HNRNPF: variants seen among roughly 807,000 people sequenced by gnomAD.
HNRNPF encodes the protein HnRNP F protein.
Under a neutral mutation model 26.0 loss-of-function variants are expected in HNRNPF, and 2 were observed. That is an observed-to-expected ratio of 0.08 (90% CI 0.03 to 0.24). The LOEUF (loss-of-function observed/expected upper bound fraction) is 0.24, where lower values mean the gene tolerates loss of function less well. Ranked by LOEUF, HNRNPF falls within the 10% of genes least tolerant of loss-of-function variation. HNRNPF has a pLI of 1.00. For synonymous variants in HNRNPF, 234 were observed against 211.5 expected, an observed-to-expected ratio of 1.11 and a Z score of -0.92; for missense variants, 299 against 539.2, an observed-to-expected ratio of 0.55 and a Z score of 4.41.
chr10:43,387,030 G>A lies in HNRNPF; in HGVS notation c.855C>T (p.Ser285=), dbSNP rs1291824410. The A allele has an allele frequency of 6.2e-7, 1 of 1,613,528 alleles. No homozygotes were observed. The highest frequency in any genetic ancestry group is 1.1e-5 in the South Asian group (1 of 91,076). The change falls in exon 4 of 4, where the codon AGC becomes AGT. Residue 285 remains serine, a synonymous_variant. Transcript: ENST00000682386. The surrounding 1 kb of genome is among the most constrained non-coding windows in gnomAD (Gnocchi z 6.0). ...TCATGTGGACACAGTGGCCTGTGGT[G>A]CTCTGCACTGTGAACTCACTGTCGC... ...RYGDSEFTVQ[S]TTGHCVHMRG...
At chr10:43,409,044 C>G (rs1839021623) in intron 1 of HNRNPF, 87 bp downstream of exon 1, 1 of 152,230 alleles carries the variant, frequency 6.6e-6, no homozygotes, top group African/African-American at 2.4e-5. Flanking sequence ...GCCCTGGACA[C>G]CAGGAAACAG....
chr10:43,406,944 A>G (rs537774708), intron 1 of HNRNPF, among the ~76,000 whole-genome samples: 1 of 152,318 alleles, frequency 6.6e-6, no homozygotes, highest in South Asian at 2.1e-4. Flanking sequence ...TAGTTTATAA[A>G]TTCTGTGAGA....
intron 1 of HNRNPF, among the ~76,000 whole-genome samples, chr10:43,401,771 T>C (rs1282060912): frequency 1.3e-5 from 2 of 152,150 alleles, no homozygotes; most frequent in Non-Finnish European, 2.9e-5. Context: ...AGGAGGCCTG[T>C]GGGGTATCCT....
At chr10:43,391,520 G>C (rs900921689) in intron 3 of HNRNPF, among the ~76,000 whole-genome samples, 1 of 151,880 alleles carries the variant, frequency 6.6e-6, no homozygotes, top group Non-Finnish European at 1.5e-5. Flanking sequence ...TAGAGTAAGC[G>C]GGCCCTCAAT....
chr10:43,402,022 T>C (rs7894374), intron 1 of HNRNPF, among the ~76,000 whole-genome samples: 52,430 of 149,786 alleles, frequency 0.35, 10,769 homozygotes, highest in African/African-American at 0.6. Context: ...AGAAATAACA[T>C]ACCACACCTC....
At chr10:43,405,505 A>G (rs765225347) in intron 1 of HNRNPF, among the ~76,000 whole-genome samples, 1 of 151,882 alleles carries the variant, frequency 6.6e-6, no homozygotes, top group African/African-American at 2.4e-5. Flanking sequence ...AAATACAAAA[A>G]ATTAGCCGGG....
chr10:43,395,118 G>A (rs2131974455), intron 2 of HNRNPF, among the ~76,000 whole-genome samples: 1 of 143,694 alleles, frequency 7.0e-6, no homozygotes, highest in Non-Finnish European at 1.5e-5. Flanking sequence ...GTGCTGGGAG[G>A]AAATTTAAAT....
At chr10:43,403,184 A>G (rs1838805964) in intron 1 of HNRNPF, among the ~76,000 whole-genome samples, 1 of 151,852 alleles carries the variant, frequency 6.6e-6, no homozygotes, top group Admixed American at 6.6e-5. Context: ...CACCTGGCAA[A>G]TTTTTGTATT....
At chr10:43,394,045 G>T (rs576062902) in intron 3 of HNRNPF, among the ~76,000 whole-genome samples, 1 of 152,186 alleles carries the variant, frequency 6.6e-6, no homozygotes, top group Admixed American at 6.5e-5. Flanking sequence ...TTGTTAAAGG[G>T]GTCTTAAACC....
chr10:43,390,990 C>G (rs921865525), intron 3 of HNRNPF, among the ~76,000 whole-genome samples: 14 of 152,186 alleles, frequency 9.2e-5, no homozygotes, highest in African/African-American at 3.4e-4. Context: ...AATGCTGCCC[C>G]CAAGTTGTGA....
rs201660330 is a variant in HNRNPF, at chr10:43,387,940, GAAAAA to G, written c.-52-9_-52-5del. ...CTTGGGTGTGGCTTTTTTGTGGCTG[GAAAAA>G]AAAAAAAGAAAAATTTATTTAGTAT... On this transcript the variant is annotated splice_polypyrimidine_tract_variant and splice_region_variant and intron_variant, in intron 3 of 3. Transcript: ENST00000682386. The surrounding 1 kb of genome is among the most constrained non-coding windows in gnomAD (Gnocchi z 6.0). The G allele has an allele frequency of 2.6e-6, 3 of 1,135,890 alleles. No individual in the cohort carries two copies. The highest frequency in any genetic ancestry group is 3.6e-6 in the Non-Finnish European group (3 of 831,958). 70.4% of individuals were successfully genotyped at this position (1,135,890 alleles called of 1,614,324 possible).
chr10:43,397,546 C>CA (rs1838595272), intron 1 of HNRNPF, among the ~76,000 whole-genome samples: 1 of 152,202 alleles, frequency 6.6e-6, no homozygotes, highest in Non-Finnish European at 1.5e-5. Context: ...GCAAGTTAGA[C>CA]ACAGCCCCTC....
chr10:43,398,676 G>A (rs1838652631), intron 1 of HNRNPF, among the ~76,000 whole-genome samples: 2 of 151,808 alleles, frequency 1.3e-5, no homozygotes, highest in Non-Finnish European at 2.9e-5. Context: ...ATTATTTTGA[G>A]ACAGGGTCTG....
chr10:43,404,301 TAA>T (rs5784599), intron 1 of HNRNPF, among the ~76,000 whole-genome samples: 15 of 135,292 alleles, frequency 1.1e-4, no homozygotes, highest in Non-Finnish European at 1.4e-4. Context: ...AATCCGTCTA[TAA>T]AAAAAAAAAA....
At chr10:43,398,985 A>T (rs183009345) in intron 1 of HNRNPF, among the ~76,000 whole-genome samples, 6 of 152,376 alleles carry the variant, frequency 3.9e-5, no homozygotes, top group Admixed American at 1.3e-4. Context: ...CAGATAAAAG[A>T]ACCCACAGAA....
intron 1 of HNRNPF, among the ~76,000 whole-genome samples, chr10:43,405,336 C>G (rs1838878866): frequency 6.6e-6 from 1 of 152,154 alleles, no homozygotes; most frequent in Non-Finnish European, 1.5e-5. Flanking sequence ...ACTTTGGATC[C>G]TGACTCAAAC....
chr10:43,393,292 C>G (rs1481091725), intron 3 of HNRNPF, among the ~76,000 whole-genome samples: 1 of 152,130 alleles, frequency 6.6e-6, no homozygotes, highest in African/African-American at 2.4e-5. Flanking sequence ...ACCGATATAT[C>G]TTTTAAATAA....
intron 1 of HNRNPF, among the ~76,000 whole-genome samples, chr10:43,397,542 T>C (rs534405260): frequency 1.3e-5 from 2 of 152,262 alleles, no homozygotes; most frequent in East Asian, 3.9e-4. Context: ...GCCAGCAAGT[T>C]AGACACAGCC....
intron 3 of HNRNPF, among the ~76,000 whole-genome samples, chr10:43,388,665 G>C (rs1197773555): frequency 2.6e-5 from 4 of 152,238 alleles, no homozygotes; most frequent in East Asian, 3.8e-4. Context: ...AAATATAGCA[G>C]AATTGCTGCC....
Sources: allele counts gnomAD v4.1 joint callset (sites outside exome capture counted in the v4.1 genomes callset), GRCh38; gene constraint gnomAD v4.1.1; non-coding constraint Gnocchi (gnomAD v3.1); transcripts MANE v1.5; gene names NCBI Gene and HGNC (gene_info 2026-07-23, HGNC 2026-07-21).